FAF1: variants seen among roughly 807,000 people sequenced by gnomAD.
FAF1 encodes the protein Fas associated factor 1.
In FAF1, 25 loss-of-function variants were observed where a neutral mutation model predicts 92.5. The ratio of observed to expected loss-of-function variants is 0.27; its 90% CI spans 0.20 to 0.38. The LOEUF (loss-of-function observed/expected upper bound fraction) is 0.38, where lower values mean the gene tolerates loss of function less well. Ranked by LOEUF, FAF1 falls within the 10% of genes least tolerant of loss-of-function variation. The pLI is 1.00. For synonymous variants in FAF1, 234 were observed against 273.2 expected (o/e 0.86, Z 1.42); for missense variants, 636 against 793.3 (o/e 0.80, Z 2.38).
chr1:50,558,102 T>C (rs1649680785), intron 13 of FAF1, among the ~76,000 whole-genome samples: 1 of 152,024 alleles, frequency 6.6e-6, no homozygotes. Context: ...TTTCACTATG[T>C]TGGCCAGGCT....
chr1:50,525,906 A>G (rs1050152585), intron 15 of FAF1, among the ~76,000 whole-genome samples: 1 of 152,168 alleles, frequency 6.6e-6, no homozygotes, highest in Non-Finnish European at 1.5e-5. Flanking sequence ...TGTGTTCCCT[A>G]TAATTCATTG....
chr1:50,858,041 T>C (rs1206732732), intron 1 of FAF1, 44 bp from the exon 2 acceptor site: 9 of 1,395,076 alleles, frequency 6.5e-6, no homozygotes, highest in Admixed American at 6.0e-5. Flanking sequence ...ATTTTAGAAA[T>C]AGGGAGGTAA....
chr1:50,863,280 A>T (rs1480065111), intron 1 of FAF1, among the ~76,000 whole-genome samples: 2 of 152,006 alleles, frequency 1.3e-5, no homozygotes, highest in Admixed American at 6.6e-5. Context: ...GTCAACAATG[A>T]AATCAAAATG....
rs1314798565 is a variant in FAF1 at position 50,437,659 on chromosome 1, T to TCC, written c.*3779_*3780dup. 2 of 152,176 alleles carry TCC rather than the reference T, an allele frequency of 1.3e-5. No homozygotes were observed. The highest frequency in any genetic ancestry group is 4.8e-5 in the African/African-American group (2 of 41,438). The allele number at this position is 152,176 out of a possible 1,614,324, so 9.4% of individuals were successfully genotyped here. A position where few individuals can be genotyped will look rare whatever the true frequency, so the allele number is the denominator to read the frequency against. ...CTCAAGCAATCCTCCTGCCTTTGCC[T>TCC]CCCAAAGTGATGTTTAACTTTTTAT... On this transcript the variant is annotated 3_prime_UTR_variant, in exon 19 of 19. Coordinates refer to ENST00000396153, the MANE Select transcript of FAF1 (RefSeq NM_007051.3).
chr1:50,556,529 T>G (rs934116722), intron 13 of FAF1, among the ~76,000 whole-genome samples: 5 of 152,070 alleles, frequency 3.3e-5, no homozygotes, highest in Non-Finnish European at 7.4e-5. Context: ...TACCCCTAAA[T>G]CTATTGAAAT....
chr1:50,625,747 T>C (rs1653468877), intron 8 of FAF1, among the ~76,000 whole-genome samples: 1 of 152,314 alleles, frequency 6.6e-6, no homozygotes, highest in East Asian at 1.9e-4. Context: ...AGGGAGGCAC[T>C]GATCAGATTA....
intron 1 of FAF1, among the ~76,000 whole-genome samples, chr1:50,954,784 C>A (rs779765727): frequency 1.3e-5 from 2 of 152,054 alleles, no homozygotes; most frequent in African/African-American, 2.4e-5. Flanking sequence ...CTCAAGTGAT[C>A]CGCCTGCCTC....
chr1:50,615,348 T>G (rs146069603), intron 8 of FAF1, among the ~76,000 whole-genome samples: 1 of 152,192 alleles, frequency 6.6e-6, no homozygotes, highest in Non-Finnish European at 1.5e-5. Context: ...AAGTGTCATT[T>G]TGGTACAATA....
At chr1:50,499,371 T>TG (rs1410462772) in intron 15 of FAF1, among the ~76,000 whole-genome samples, 2 of 151,812 alleles carry the variant, frequency 1.3e-5, no homozygotes, top group African/African-American at 2.4e-5. Context: ...GGGTTTTTTT[T>TG]TTTTTTTTTT....
intron 6 of FAF1, among the ~76,000 whole-genome samples, chr1:50,722,032 C>G (rs887618053): frequency 3.3e-5 from 5 of 152,152 alleles, no homozygotes; most frequent in African/African-American, 9.7e-5. Flanking sequence ...GAAATTGTAG[C>G]AAATTATTTG....
At chr1:50,775,011 T>C (rs1054510497) in intron 4 of FAF1, among the ~76,000 whole-genome samples, 3 of 152,152 alleles carry the variant, frequency 2.0e-5, no homozygotes, top group African/African-American at 7.2e-5. Flanking sequence ...TTTCAAACCT[T>C]GTTGCATCTT....
intron 9 of FAF1, among the ~76,000 whole-genome samples, chr1:50,585,413 G>A (rs1651179157): frequency 1.3e-5 from 2 of 152,262 alleles, no homozygotes; most frequent in South Asian, 4.1e-4. Context: ...AAAAATTACT[G>A]AGAATTTACT....
chr1:50,792,883 G>A (rs975745828), intron 3 of FAF1, among the ~76,000 whole-genome samples: 3 of 152,174 alleles, frequency 2.0e-5, no homozygotes, highest in Non-Finnish European at 4.4e-5. Flanking sequence ...GAACAATCAT[G>A]TTAATGCACA....
At chr1:50,482,540 C>A (rs1388811489) in intron 17 of FAF1, among the ~76,000 whole-genome samples, 1 of 152,150 alleles carries the variant, frequency 6.6e-6, no homozygotes, top group Non-Finnish European at 1.5e-5. Flanking sequence ...ACTGCCGGGT[C>A]ATATGGTATA....
chr1:50,745,535 T>C (rs1444098257), intron 4 of FAF1, among the ~76,000 whole-genome samples: 1 of 152,098 alleles, frequency 6.6e-6, no homozygotes, highest in Non-Finnish European at 1.5e-5. Flanking sequence ...CCCTCTTTGA[T>C]GCTGTTCTTG....
intron 15 of FAF1, among the ~76,000 whole-genome samples, chr1:50,506,693 A>C (rs1052919445): frequency 6.6e-6 from 1 of 152,206 alleles, no homozygotes; most frequent in Non-Finnish European, 1.5e-5. Context: ...GATGCTTGGT[A>C]GTGAATGCTT....
At chr1:50,564,427 G>T (rs554404847) in intron 13 of FAF1, among the ~76,000 whole-genome samples, 1 of 152,046 alleles carries the variant, frequency 6.6e-6, no homozygotes, top group Non-Finnish European at 1.5e-5. Flanking sequence ...TCTTACTTGT[G>T]ATGCCTAGAA....
chr1:50,885,918 C>T (rs763825045), intron 1 of FAF1, among the ~76,000 whole-genome samples: 5 of 151,980 alleles, frequency 3.3e-5, no homozygotes, highest in African/African-American at 4.8e-5. Flanking sequence ...TTATCTTAAG[C>T]GGATAACAAC....
intron 1 of FAF1, among the ~76,000 whole-genome samples, chr1:50,943,342 C>T (rs1035300411): frequency 6.6e-6 from 1 of 152,152 alleles, no homozygotes; most frequent in Non-Finnish European, 1.5e-5. Context: ...ATCCCATAAG[C>T]CATCAGGGTC....
Sources: allele counts gnomAD v4.1 joint callset (sites outside exome capture counted in the v4.1 genomes callset), GRCh38; gene constraint gnomAD v4.1.1; transcripts MANE v1.5; gene names NCBI Gene and HGNC (gene_info 2026-07-23, HGNC 2026-07-21).